The following LNX1 variants were observed in gnomAD, a reference collection of about 807,000 sequenced individuals.
The protein encoded by LNX1 is ligand of numb-protein X 1.
In LNX1, 54 loss-of-function variants were observed where a neutral mutation model predicts 68.4. The ratio of observed to expected loss-of-function variants is 0.79; its 90% confidence interval spans 0.63 to 0.99. The LOEUF (loss-of-function observed/expected upper bound fraction) is 0.99, where lower values mean the gene tolerates loss of function less well. Among genes scored for constraint, LNX1 ranks in the 50% least tolerant of loss-of-function variants. LNX1 has a pLI of 0.00. For missense variants in LNX1, 906 were observed against 926.4 expected, an observed-to-expected ratio of 0.98 and a Z score of 0.29; for synonymous variants, 336 against 350.0, an observed-to-expected ratio of 0.96 and a Z score of 0.45.
At chr4:53,596,859 G>A (rs1482733052) in intron 2 of LNX1, among the ~76,000 whole-genome samples, 2 of 152,042 alleles carry the variant, frequency 1.3e-5, no homozygotes, top group Admixed American at 1.3e-4. Context: ...CTTAGATCTT[G>A]TTATCACCCC....
chr4:53,518,234 AG>A (rs896241804), intron 2 of LNX1, among the ~76,000 whole-genome samples: 3 of 152,098 alleles, frequency 2.0e-5, no homozygotes, highest in Non-Finnish European at 4.4e-5. Flanking sequence ...AACCTAAGCA[AG>A]CACACTGACT....
chr4:53,516,172 T>TTCA (rs2109552619), intron 2 of LNX1, among the ~76,000 whole-genome samples: 2 of 152,066 alleles, frequency 1.3e-5, no homozygotes, highest in South Asian at 4.2e-4. Flanking sequence ...AGCCCAGAAG[T>TTCA]TCAAGCCTGC....
At chr4:53,610,715 G>GAAAAAA (rs10553873) in intron 2 of LNX1, among the ~76,000 whole-genome samples, 9,766 of 111,658 alleles carry the variant, frequency 0.087, 447 homozygotes, top group East Asian at 0.22. Flanking sequence ...TCTCAAAGAG[G>GAAAAAA]AAAAAAAAAA....
chr4:53,633,973 G>T (rs1228044415), intron 1 of LNX1, among the ~76,000 whole-genome samples: 1 of 152,194 alleles, frequency 6.6e-6, no homozygotes, highest in Admixed American at 6.5e-5. Flanking sequence ...CACACCCAGT[G>T]CAGAAGCTGA....
rs1723667776 is a variant in LNX1, at chr4:53,477,911, T to G, written c.1663+654A>C. Among the ~76,000 whole-genome samples, 3 of 152,172 alleles carry G rather than the reference T, an allele frequency of 2.0e-5. No homozygotes were observed. The South Asian group carries it at 6.2e-4, about 32-fold the overall frequency. ...GGCTCAGCAGCTGTACTTGGGAAAC[T>G]TCACAGTTTATCTCTTGAACCTGGA... On this transcript the variant is annotated intron_variant, in intron 8 of 10. Transcript: ENST00000263925.
chr4:53,601,636 G>A (rs1309048656), intron 2 of LNX1, among the ~76,000 whole-genome samples: 1 of 152,204 alleles, frequency 6.6e-6, no homozygotes, highest in Non-Finnish European at 1.5e-5. Context: ...GGCTGCGGGG[G>A]TTTGGCAGAA....
intron 1 of LNX1, among the ~76,000 whole-genome samples, chr4:53,581,106 T>C (rs1365678554): frequency 6.6e-6 from 1 of 151,956 alleles, no homozygotes; most frequent in Non-Finnish European, 1.5e-5. Flanking sequence ...CCCCAAAAGA[T>C]GCACAAATAC....
At chr4:53,623,243 G>C (rs141403212) in intron 1 of LNX1, among the ~76,000 whole-genome samples, 1 of 145,088 alleles carries the variant, frequency 6.9e-6, no homozygotes, top group Non-Finnish European at 1.5e-5. Context: ...TCACTCTGTC[G>C]CCCAGGCTGG....
At chr4:53,523,658 A>T (rs1195073602) in intron 2 of LNX1, among the ~76,000 whole-genome samples, 1 of 152,230 alleles carries the variant, frequency 6.6e-6, no homozygotes, top group Non-Finnish European at 1.5e-5. Context: ...GTAGGAGACT[A>T]GGAGACTAGG....
intron 6 of LNX1, among the ~76,000 whole-genome samples, chr4:53,486,544 TG>T (rs1271385889): frequency 1.3e-5 from 2 of 152,160 alleles, no homozygotes. Flanking sequence ...CTTGAGGACA[TG>T]GTTCCTGCCC....
At chr4:53,555,595 A>C (rs78285727) in intron 2 of LNX1, among the ~76,000 whole-genome samples, 1 of 152,188 alleles carries the variant, frequency 6.6e-6, no homozygotes, top group Non-Finnish European at 1.5e-5. Context: ...ACCATGCCTC[A>C]ATTCTTATTG....
chr4:53,532,260 G>A (rs891373104), intron 2 of LNX1, among the ~76,000 whole-genome samples: 49 of 152,280 alleles, frequency 3.2e-4, no homozygotes, highest in African/African-American at 1.1e-3. Context: ...CAGATCACCT[G>A]AGGTCAGGAG....
chr4:53,468,602 A>C (rs539867532), intron 9 of LNX1, among the ~76,000 whole-genome samples: 16 of 152,330 alleles, frequency 1.1e-4, no homozygotes, highest in East Asian at 3.9e-4. Context: ...ACCCATCTCA[A>C]GTGCAGAGAC....
intron 6 of LNX1, among the ~76,000 whole-genome samples, chr4:53,482,338 G>A (rs1025058064): frequency 6.6e-6 from 1 of 152,148 alleles, no homozygotes; most frequent in African/African-American, 2.4e-5. Context: ...GCAAATATTT[G>A]GGCATAGGAA....
At chr4:53,512,433 A>G (rs537254085) in intron 2 of LNX1, among the ~76,000 whole-genome samples, 28 of 152,040 alleles carry the variant, frequency 1.8e-4, no homozygotes, top group Non-Finnish European at 3.8e-4. Flanking sequence ...TCAGTCCTCT[A>G]GAATGCAACA....
intron 1 of LNX1, among the ~76,000 whole-genome samples, chr4:53,590,953 A>C (rs995489513): frequency 6.6e-6 from 1 of 152,236 alleles, no homozygotes; most frequent in Non-Finnish European, 1.5e-5. Flanking sequence ...TCACAGGTTT[A>C]GATCAAAATA....
chr4:53,584,140 A>G (rs1445676650), intron 1 of LNX1, among the ~76,000 whole-genome samples: 1 of 152,124 alleles, frequency 6.6e-6, no homozygotes, highest in Non-Finnish European at 1.5e-5. Context: ...TTATGTGTGT[A>G]TGGTTTTTTT....
At chr4:53,483,783 T>C (rs1724106911) in intron 6 of LNX1, among the ~76,000 whole-genome samples, 1 of 152,226 alleles carries the variant, frequency 6.6e-6, no homozygotes, top group Non-Finnish European at 1.5e-5. Flanking sequence ...GTTATTGGGC[T>C]AGGGGAGAAA....
intron 2 of LNX1, chr4:53,557,757 G>T: frequency 8.3e-7 from 1 of 1,211,290 alleles, no homozygotes; most frequent in Non-Finnish European, 1.1e-6. Flanking sequence ...CTTTGTCCAA[G>T]TGCATCTAGT....
Sources: allele counts gnomAD v4.1 joint callset (sites outside exome capture counted in the v4.1 genomes callset), GRCh38; gene constraint gnomAD v4.1.1; transcripts MANE v1.5; gene names NCBI Gene and HGNC (gene_info 2026-07-23, HGNC 2026-07-21).